MACF1: variants seen among roughly 807,000 people sequenced by gnomAD.
MACF1 encodes the protein microtubule-actin cross-linking factor 1.
In MACF1, 193 loss-of-function variants were observed where a neutral mutation model predicts 854.8. That is an observed-to-expected ratio of 0.23 (90% CI 0.20 to 0.25). MACF1 has a LOEUF of 0.25. MACF1 is among the 10% of genes least tolerant of loss of function. The probability of loss-of-function intolerance (pLI) is 1.00; values close to 1 mark genes in which losing one functional copy is unlikely to be tolerated. For synonymous variants in MACF1, 3,185 were observed against 3,226.7 expected (o/e 0.99, Z 0.44); for missense variants, 7,722 against 8,929.1 (o/e 0.86, Z 5.45).
rs149774782 is a variant in MACF1 at position 39,428,825 on chromosome 1, C to T, written c.16804-417C>T. Among the ~76,000 whole-genome samples, 864 of 152,244 alleles carry T rather than the reference C, an allele frequency of 5.7e-3. 14 individuals are homozygous for T. The highest frequency in any genetic ancestry group is 0.019 in the African/African-American group (789 of 41,546). Reference sequence around the variant, plus strand: ...TAATAGTCTGATTCTTTTGCTTCGTCAACTTTAAATATGAAGAGAGTTTTT... The same window carrying T: ...TAATAGTCTGATTCTTTTGCTTCGTTAACTTTAAATATGAAGAGAGTTTTT... On this transcript the variant is annotated intron_variant, in intron 63 of 100. Coordinates refer to ENST00000564288, the MANE Select transcript of MACF1 (RefSeq NM_001394062.1).
rs1482518703 is a variant in MACF1 at position 39,334,766 on chromosome 1, G to A, written c.8178G>A (p.Val2726=). 3.7e-6 allele frequency: 6 copies of A among 1,614,152 alleles called. No homozygotes were observed. Among genetic ancestry groups the A allele is most frequent in the Non-Finnish European group, 5.1e-6 (6 of 1,180,010 alleles). Residue 2726 remains valine, a synonymous_variant, in exon 37 of 101, where the codon GTG becomes GTA. Coordinates refer to ENST00000564288, the MANE Select transcript of MACF1 (RefSeq NM_001394062.1). ...TCAGAATTATTGCATCTCATCAGGTGTTAAATGGAGGAATTGTTGACATAT... is the reference window on the plus strand; with the variant it reads ...TCAGAATTATTGCATCTCATCAGGTATTAAATGGAGGAATTGTTGACATAT... The part of the protein sequence containing the change: ...NMVRIIASHQ[V]LNGGIVDIFS...
rs928977687 is a variant in MACF1, at chr1:39,139,377, A to T, written c.220+54939A>T. On this transcript the variant is annotated intron_variant, in intron 2 of 93. Transcript: ENST00000361689. ...GTTCAAGCGATTCTCCTGCCTCAGC[A>T]TCCCAAGTAACTGGGATTACAGGTG... is the stretch of plus-strand genomic sequence containing the variant. Among the ~76,000 whole-genome samples, 10 of 150,274 alleles carry T rather than the reference A, an allele frequency of 6.7e-5. No individual in the cohort carries two copies. In the East Asian group the frequency reaches 2.0e-3, roughly 30 times the overall value.
At chr1:39,235,167 G>T (rs941958015) in intron 2 of MACF1, among the ~76,000 whole-genome samples, 48 of 152,368 alleles carry the variant, frequency 3.2e-4, no homozygotes, top group Admixed American at 1.7e-3. Context: ...CTGGGAGGTG[G>T]AGGTTGTAGC....
chr1:39,181,474 T>C (rs1252204025), intron 2 of MACF1, among the ~76,000 whole-genome samples: 1 of 152,170 alleles, frequency 6.6e-6, no homozygotes, highest in Admixed American at 6.5e-5. Context: ...TTTCTTCTTC[T>C]TTCTTCTCCT....
At chr1:39,412,518 C>G in intron 58 of MACF1, 1 of 1,613,954 alleles carries the variant, frequency 6.2e-7, no homozygotes. Flanking sequence ...TCCAGGATCT[C>G]CAGAGGAAGT....
intron 6 of MACF1, among the ~76,000 whole-genome samples, chr1:39,263,756 T>A (rs1645193426): frequency 9.4e-6 from 1 of 106,410 alleles, no homozygotes; most frequent in African/African-American, 3.9e-5. Flanking sequence ...CTTTCTTTCA[T>A]CTTTTTTCTT....
intron 97 of MACF1, among the ~76,000 whole-genome samples, chr1:39,474,554 C>T (rs1047659739): frequency 3.9e-5 from 6 of 151,942 alleles, no homozygotes; most frequent in Non-Finnish European, 7.4e-5. Flanking sequence ...AAATTAACGG[C>T]CTGGTGGTGT....
chr1:39,333,404 A>G lies in MACF1; in HGVS notation c.6816A>G (p.Ser2272=), dbSNP rs1646760821. 6.2e-7 allele frequency: 1 copy of G among 1,614,016 alleles called. No homozygotes were observed. Among genetic ancestry groups the G allele is most frequent in the African/African-American group, 1.3e-5 (1 of 74,936 alleles). ...EEDSGREIFL[S]CSHPLELLEE... ...ATAGTGGCAGGGAAATTTTTCTGTCATGCAGTCATCCATTAGAATTGCTTG... is the reference window on the plus strand; with the variant it reads ...ATAGTGGCAGGGAAATTTTTCTGTCGTGCAGTCATCCATTAGAATTGCTTG... The change falls in exon 37 of 101, where the codon TCA becomes TCG. Residue 2272 remains serine (S), a synonymous_variant. Transcript: ENST00000564288.
At position 39,283,104 on chromosome 1, in the gene MACF1, G is replaced by A; in HGVS notation, c.696-85G>A. The A allele has an allele frequency of 1.2e-6, 1 of 808,360 alleles. No individual in the cohort carries two copies. The highest frequency in any genetic ancestry group is 2.3e-5 in the Admixed American group (1 of 43,506). The allele number at this position is 808,360 out of a possible 1,614,324, so 50.1% of individuals were successfully genotyped here. A position where few individuals can be genotyped will look rare whatever the true frequency, so the allele number is the denominator to read the frequency against. On this transcript the variant is annotated intron_variant, in intron 7 of 100. Coordinates refer to ENST00000564288, the MANE Select transcript of MACF1 (RefSeq NM_001394062.1). The surrounding 1 kb of genome is among the most constrained non-coding windows in gnomAD (Gnocchi z 4.5). ...ACTCACTTAGTGTTTTTCAGCTCTGGGAACTTTCAGGAGGTTTTCTTTGTG... is the reference window on the plus strand; with the variant it reads ...ACTCACTTAGTGTTTTTCAGCTCTGAGAACTTTCAGGAGGTTTTCTTTGTG...
intron 1 of MACF1, among the ~76,000 whole-genome samples, chr1:39,209,916 C>A (rs1232485176): frequency 1.3e-5 from 2 of 151,862 alleles, no homozygotes; most frequent in African/African-American, 4.8e-5. Context: ...TGGTGAAACC[C>A]CATCTCTACC....
At chr1:39,132,388 A>G (rs1173879310) in intron 2 of MACF1, among the ~76,000 whole-genome samples, 1 of 152,114 alleles carries the variant, frequency 6.6e-6, no homozygotes, top group Non-Finnish European at 1.5e-5. Flanking sequence ...CCCTGTATCC[A>G]TCAGTAAAAA....
chr1:39,317,495 T>C lies in MACF1; in HGVS notation c.3782+88T>C, dbSNP rs543657666. Reference sequence around the variant, plus strand: ...AGAGTTATATCTGTACATTTATATTTAAAGGTGGAAATGGATAGGGAGGGG... The same window carrying C: ...AGAGTTATATCTGTACATTTATATTCAAAGGTGGAAATGGATAGGGAGGGG... On this transcript the variant is annotated intron_variant, in intron 29 of 100. Transcript: ENST00000564288. 12 of 1,395,026 alleles carry C rather than the reference T, an allele frequency of 8.6e-6. No homozygotes were observed. In the African/African-American group the frequency reaches 1.7e-4, roughly 20 times the overall value. 86.4% of individuals were successfully genotyped at this position (1,395,026 alleles called of 1,614,324 possible). A position where few individuals can be genotyped will look rare whatever the true frequency, so the allele number is the denominator to read the frequency against.
At chr1:39,116,417 T>C (rs1283347452) in intron 2 of MACF1, among the ~76,000 whole-genome samples, 4 of 152,008 alleles carry the variant, frequency 2.6e-5, no homozygotes, top group Non-Finnish European at 5.9e-5. Flanking sequence ...CGTGTGTGTG[T>C]GTATGTGTGT....
chr1:39,480,120 A>AAG, intron 98 of MACF1, 111 bp downstream of exon 98: 1,074 of 624,040 alleles, frequency 1.7e-3, no homozygotes, highest in Non-Finnish European at 2.6e-3. Flanking sequence ...TAAAAATGAA[A>AAG]ACATGTTTTC....
In MACF1 at chr1:39,335,113, T is replaced by C; in HGVS notation, c.8525T>C (p.Ile2842Thr). The C allele has an allele frequency of 1.2e-6, 2 of 1,614,106 alleles. No homozygotes were observed. Among genetic ancestry groups the C allele is most frequent in the Non-Finnish European group, 1.7e-6 (2 of 1,180,002 alleles). ...GAGCAGGCAAAAAAGAGCAGGGAAA[T>C]TTCCTTAAAGGAATTTGGGTGCAAG... ...DGEQAKKSRE[I>T]SLKEFGCKDQ... Residue 2842 changes from isoleucine to threonine, a missense_variant, in exon 37 of 101, where the codon ATT (isoleucine) becomes ACT (threonine). By Grantham distance (89) the Ile-to-Thr change is moderately conservative. Coordinates refer to ENST00000564288, the MANE Select transcript of MACF1 (RefSeq NM_001394062.1).
chr1:39,345,219 T>G (rs1276176685), intron 40 of MACF1, among the ~76,000 whole-genome samples: 1 of 152,236 alleles, frequency 6.6e-6, no homozygotes, highest in African/African-American at 2.4e-5. Context: ...GTTTGGACAG[T>G]TTTTACTACT....
intron 2 of MACF1, among the ~76,000 whole-genome samples, chr1:39,093,359 A>G (rs2148123094): frequency 8.3e-6 from 1 of 120,132 alleles, no homozygotes; most frequent in South Asian, 2.8e-4. Context: ...CTTGTTGCCC[A>G]GGCTGGAGTG....
chr1:39,119,492 G>A (rs1418155164), intron 2 of MACF1, among the ~76,000 whole-genome samples: 2 of 152,104 alleles, frequency 1.3e-5, no homozygotes, highest in African/African-American at 4.8e-5. Context: ...TGATCTCTTT[G>A]AAGGTCTAGA....
chr1:39,450,926 A>G (rs1570127879), intron 84 of MACF1, 126 bp from the exon 85 acceptor site: 1 of 1,115,110 alleles, frequency 9.0e-7, no homozygotes, highest in South Asian at 1.5e-5. Context: ...TGTATTTCTA[A>G]CTGTTCTAAC....
Sources: allele counts gnomAD v4.1 joint callset (sites outside exome capture counted in the v4.1 genomes callset), GRCh38; gene constraint gnomAD v4.1.1; non-coding constraint Gnocchi (gnomAD v3.1); transcripts MANE v1.5; gene names NCBI Gene and HGNC (gene_info 2026-07-23, HGNC 2026-07-21).